The following AGAP1 variants were observed in gnomAD, a reference collection of about 807,000 sequenced individuals.
AGAP1 encodes the protein ArfGAP with GTPase domain, ankyrin repeat and PH domain 1.
Under a neutral mutation model 105.3 loss-of-function variants are expected in AGAP1, and 29 were observed. The observed-to-expected ratio is 0.28, with a 90% CI of 0.21 to 0.38. The LOEUF (loss-of-function observed/expected upper bound fraction) is 0.38. Ranked by LOEUF, AGAP1 falls within the 10% of genes least tolerant of loss-of-function variation. AGAP1 has a pLI of 1.00. For missense variants in AGAP1, 998 were observed against 1,165.1 expected (o/e 0.86, Z 2.09); for synonymous variants, 509 against 485.9 (o/e 1.05, Z -0.63).
At chr2:235,916,168 GA>G (rs11284275) in intron 11 of AGAP1, among the ~76,000 whole-genome samples, 117,632 of 151,654 alleles carry the variant, frequency 0.78, 45,688 homozygotes, top group East Asian at 0.98. Context: ...GTCTACTCCA[GA>G]AAAAAAAAGA....
rs2055149269 is a variant in AGAP1 at position 235,982,688 on chromosome 2, C to CG, written c.1645+14065_1645+14066insG. On this transcript the variant is annotated intron_variant, in intron 13 of 17. Coordinates refer to ENST00000304032, the MANE Select transcript of AGAP1 (RefSeq NM_001037131.3). This position sits in a 1 kb window ranked among gnomAD's most constrained non-coding sequence, Gnocchi z 4.9. ...CCAGTCCGTTCGTGGAAGGAAAGAA[C>CG]CGAAGCCAGCCCTTGGCTGCCATTC... Among the ~76,000 whole-genome samples, 1 of 152,252 alleles carries CG rather than the reference C, an allele frequency of 6.6e-6. No individual in the cohort carries two copies. The highest frequency in any genetic ancestry group is 2.4e-5 in the African/African-American group (1 of 41,472).
rs748746466 is a variant in AGAP1, at chr2:235,620,400, C to T, written c.164-88779C>T. 6.6e-6 allele frequency among the ~76,000 whole-genome samples: 1 copy of T among 152,334 alleles called. No homozygotes were observed. On this transcript the variant is annotated intron_variant, in intron 1 of 17. Coordinates refer to ENST00000304032, the MANE Select transcript of AGAP1 (RefSeq NM_001037131.3). This position sits in a 1 kb window ranked among gnomAD's most constrained non-coding sequence, Gnocchi z 4.5. ...AGTGTGATGCCCTCTGCCAAAACCT[C>T]CTCCTGGCCCTCGCCTTCTGCCACT...
At chr2:235,828,270 A>G (rs1313980630) in intron 9 of AGAP1, among the ~76,000 whole-genome samples, 1 of 152,182 alleles carries the variant, frequency 6.6e-6, no homozygotes, top group Non-Finnish European at 1.5e-5. Flanking sequence ...CTGGAACATA[A>G]GCACCCCATG....
chr2:235,923,633 CTG>C (rs2125115892), intron 11 of AGAP1, among the ~76,000 whole-genome samples: 1 of 152,126 alleles, frequency 6.6e-6, no homozygotes, highest in East Asian at 1.9e-4. Flanking sequence ...GTCTCCGGCT[CTG>C]TGTTCTGTGT....
At chr2:235,571,474 C>A (rs931313529) in intron 1 of AGAP1, among the ~76,000 whole-genome samples, 27 of 152,334 alleles carry the variant, frequency 1.8e-4, no homozygotes, top group African/African-American at 5.8e-4. Context: ...TGATGGCTGC[C>A]TTATTGGACC....
chr2:235,902,599 G>T (rs1335674593), intron 10 of AGAP1, among the ~76,000 whole-genome samples: 1 of 152,128 alleles, frequency 6.6e-6, no homozygotes, highest in Admixed American at 6.6e-5. Flanking sequence ...CTAAGTCTTT[G>T]GAAGGTGTCA....
At chr2:236,077,128 A>G (rs973183414) in intron 16 of AGAP1, among the ~76,000 whole-genome samples, 7 of 39,294 alleles carry the variant, frequency 1.8e-4, no homozygotes, top group African/African-American at 8.8e-4. Flanking sequence ...AAAGAGTAGA[A>G]AAAAAAAAAA....
At chr2:235,590,982 A>C (rs533088854) in intron 1 of AGAP1, among the ~76,000 whole-genome samples, 1 of 148,948 alleles carries the variant, frequency 6.7e-6, no homozygotes, top group South Asian at 2.1e-4. Context: ...CGGCCTCCCA[A>C]AGTGCTGGGA....
chr2:235,800,084 A>G (rs1449794625), intron 8 of AGAP1, among the ~76,000 whole-genome samples: 1 of 148,546 alleles, frequency 6.7e-6, no homozygotes, highest in African/African-American at 2.5e-5. Context: ...ATCTGGGTGC[A>G]CTCGGGCATG....
intron 6 of AGAP1, among the ~76,000 whole-genome samples, chr2:235,794,791 G>C (rs1957167303): frequency 6.6e-6 from 1 of 152,082 alleles, no homozygotes; most frequent in East Asian, 1.9e-4. Context: ...TTTTTTTTAA[G>C]TAAATCCACG....
intron 16 of AGAP1, among the ~76,000 whole-genome samples, chr2:236,093,477 G>T (rs537800262): frequency 1.3e-5 from 2 of 152,130 alleles, no homozygotes; most frequent in African/African-American, 2.4e-5. Flanking sequence ...TGACCCAAAT[G>T]GAATCGGACA....
Position 235,865,883 on chromosome 2 carries a change from G to A in AGAP1, c.1051-17462G>A, listed in dbSNP as rs114960035. On this transcript the variant is annotated intron_variant, in intron 9 of 17. Coordinates refer to ENST00000304032, the MANE Select transcript of AGAP1 (RefSeq NM_001037131.3). This position sits in a 1 kb window ranked among gnomAD's most constrained non-coding sequence, Gnocchi z 6.2. Reference sequence around the variant, plus strand: ...TTGCCAGAAGTTTTCCGTTTGTGGAGGACTGGGGAAAGCCAGTTAATTGGG... The same window carrying A: ...TTGCCAGAAGTTTTCCGTTTGTGGAAGACTGGGGAAAGCCAGTTAATTGGG... 0.013 allele frequency among the ~76,000 whole-genome samples: 1,990 copies of A among 152,306 alleles called. 47 individuals carry two copies. The highest frequency in any genetic ancestry group is 0.045 in the African/African-American group (1,856 of 41,560).
At chr2:235,717,689 T>C (rs1282038499) in intron 3 of AGAP1, 45 bp downstream of exon 3, 1 of 1,530,188 alleles carries the variant, frequency 6.5e-7, no homozygotes. Context: ...ATGTAGTTTT[T>C]TAAAATTTTT....
Position 236,062,438 on chromosome 2 carries a change from T to C in AGAP1, c.2114+13157T>C, listed in dbSNP as rs1019584832. On this transcript the variant is annotated intron_variant, in intron 16 of 17. Coordinates refer to ENST00000304032, the MANE Select transcript of AGAP1 (RefSeq NM_001037131.3). This position sits in a 1 kb window ranked among gnomAD's most constrained non-coding sequence, Gnocchi z 4.2. ...AGGAGCATACTCAGGACTCGTATTT[T>C]GTTGTTGTTGTTGTTGTTGTTGTTA... Among the ~76,000 whole-genome samples the C allele has an allele frequency of 1.3e-5, 2 of 149,970 alleles. No homozygotes were observed. The highest frequency in any genetic ancestry group is 6.7e-5 in the Admixed American group (1 of 14,980).
intron 15 of AGAP1, among the ~76,000 whole-genome samples, chr2:236,041,586 A>T (rs917412530): frequency 1.3e-5 from 2 of 152,204 alleles, no homozygotes; most frequent in African/African-American, 4.8e-5. Context: ...TCATGGTTGC[A>T]GTCCCAGCCC....
intron 1 of AGAP1, among the ~76,000 whole-genome samples, chr2:235,526,566 C>G (rs1317759415): frequency 6.6e-6 from 1 of 152,132 alleles, no homozygotes; most frequent in Admixed American, 6.5e-5. Context: ...TTTAACAAGC[C>G]TCTTGTGAAT....
At chr2:235,627,361 A>C (rs1946675978) in intron 1 of AGAP1, among the ~76,000 whole-genome samples, 1 of 151,892 alleles carries the variant, frequency 6.6e-6, no homozygotes, top group Non-Finnish European at 1.5e-5. Flanking sequence ...AGTAGCTGGG[A>C]TCACAGGTGT....
At chr2:235,602,457 A>C (rs980371670) in intron 1 of AGAP1, among the ~76,000 whole-genome samples, 1 of 151,846 alleles carries the variant, frequency 6.6e-6, no homozygotes, top group Non-Finnish European at 1.5e-5. Flanking sequence ...CGCCAGGCTC[A>C]CCCTCACTCC....
intron 1 of AGAP1, among the ~76,000 whole-genome samples, chr2:235,651,955 G>C (rs1011254216): frequency 2.0e-5 from 3 of 152,332 alleles, no homozygotes; most frequent in South Asian, 2.1e-4. Context: ...CTGTTTTACA[G>C]CAAGTGTCTT....
Sources: gnomAD v4.1 joint callset for allele counts (sites outside exome capture counted in the v4.1 genomes callset) on GRCh38, gnomAD v4.1.1 for gene constraint, Gnocchi (gnomAD v3.1) non-coding constraint, MANE v1.5 for transcripts, NCBI Gene and HGNC (gene_info 2026-07-23, HGNC 2026-07-21) for gene names.